Variants in CSMD1 observed in about 807,000 individuals in gnomAD.
CSMD1 encodes the protein CUB and Sushi multiple domains 1, also known as CUB and sushi domain-containing protein 1.
CSMD1 carries 213 observed loss-of-function variants against 417.5 expected under a neutral mutation model. That is an observed-to-expected ratio of 0.51 (90% confidence interval 0.46 to 0.57). CSMD1 has a LOEUF of 0.57. Ranked by LOEUF, CSMD1 falls within the 20% of genes least tolerant of loss-of-function variation. The probability of loss-of-function intolerance (pLI) is 0.00; values close to 1 mark genes in which losing one functional copy is unlikely to be tolerated. For synonymous variants in CSMD1, 2,862 were observed against 1,736.8 expected (o/e 1.65, Z -16.11); for missense variants, 6,923 against 4,529.7 (o/e 1.53, Z -15.17).
In CSMD1 at chr8:4,504,835, G is replaced by A. The variant is rs190904587; in HGVS notation, c.303-84770C>T. On this transcript the variant is annotated intron_variant, in intron 2 of 69. Coordinates refer to ENST00000635120, the MANE Select transcript of CSMD1 (RefSeq NM_033225.6). ...ACTCATTATTTTTTATGGCTGCATA[G>A]TATTCCATGATATATATGTGCCATA... Among the ~76,000 whole-genome samples, 971 of 152,256 alleles carry A rather than the reference G, an allele frequency of 6.4e-3. 5 individuals carry two copies. The highest frequency in any genetic ancestry group is 9.2e-3 in the Non-Finnish European group (629 of 68,024).
intron 5 of CSMD1, among the ~76,000 whole-genome samples, chr8:3,814,341 C>G (rs537020582): frequency 6.6e-6 from 1 of 152,246 alleles, no homozygotes; most frequent in Non-Finnish European, 1.5e-5. Flanking sequence ...GTTATCTGAC[C>G]AAGGACATCT....
intron 10 of CSMD1, among the ~76,000 whole-genome samples, chr8:3,533,923 C>T (rs776435939): frequency 2.6e-5 from 4 of 152,132 alleles, no homozygotes; most frequent in Non-Finnish European, 4.4e-5. Context: ...TCCCTTTGGT[C>T]CACCAATCAC....
chr8:4,376,204 C>T (rs1584979743), intron 3 of CSMD1, among the ~76,000 whole-genome samples: 1 of 152,178 alleles, frequency 6.6e-6, no homozygotes, highest in African/African-American at 2.4e-5. Context: ...TCTGCTGGCT[C>T]TGTTTGTCAA....
intron 1 of CSMD1, among the ~76,000 whole-genome samples, chr8:4,890,341 A>T (rs989334491): frequency 6.6e-6 from 1 of 152,116 alleles, no homozygotes; most frequent in African/African-American, 2.4e-5. Flanking sequence ...TATGGATTAG[A>T]GTAGGAAGGC....
chr8:3,449,082 T>G (rs997935812), intron 12 of CSMD1, among the ~76,000 whole-genome samples: 10 of 151,844 alleles, frequency 6.6e-5, no homozygotes, highest in Non-Finnish European at 8.8e-5. Context: ...GTTGCCTGTC[T>G]TCCAATCCAT....
At chr8:2,984,841 G>T (rs531548998) in intron 54 of CSMD1, among the ~76,000 whole-genome samples, 1 of 152,230 alleles carries the variant, frequency 6.6e-6, no homozygotes, top group African/African-American at 2.4e-5. Flanking sequence ...TTCAGATTCT[G>T]TTGGTGTTTT....
At chr8:3,507,958 G>T (rs907760129) in intron 10 of CSMD1, among the ~76,000 whole-genome samples, 2 of 152,054 alleles carry the variant, frequency 1.3e-5, no homozygotes, top group African/African-American at 4.8e-5. Flanking sequence ...TCTGTAGGTT[G>T]CCTGTTCACT....
chr8:2,993,096 G>T (rs1806543838), intron 54 of CSMD1, among the ~76,000 whole-genome samples: 1 of 152,156 alleles, frequency 6.6e-6, no homozygotes, highest in Non-Finnish European at 1.5e-5. Flanking sequence ...ATGTGTTGGA[G>T]CTTCATCCAG....
At chr8:4,296,304 C>A (rs1797676357) in intron 3 of CSMD1, among the ~76,000 whole-genome samples, 1 of 152,124 alleles carries the variant, frequency 6.6e-6, no homozygotes, top group African/African-American at 2.4e-5. Flanking sequence ...ATTATTTCGT[C>A]CCTGTGGTTA....
chr8:3,838,964 A>G lies in CSMD1; in HGVS notation c.819-84922T>C, dbSNP rs1353310922. ...ATAAAAAATTAATATCTATAAATTA[A>G]TATTATATATAATATATTATATATC... On this transcript the variant is annotated intron_variant, in intron 5 of 69. Coordinates refer to ENST00000635120, the MANE Select transcript of CSMD1 (RefSeq NM_033225.6). 3.0e-5 allele frequency among the ~76,000 whole-genome samples: 3 copies of G among 99,758 alleles called. 1 individual carries two copies. The highest frequency in any genetic ancestry group is 1.4e-4 in the African/African-American group (3 of 21,744). 65.4% of individuals were successfully genotyped at this position (99,758 alleles called of 152,430 possible). A position where few individuals can be genotyped will look rare whatever the true frequency, so the allele number is the denominator to read the frequency against.
chr8:3,529,175 G>C lies in CSMD1; in HGVS notation c.1345-35449C>G, dbSNP rs546587560. ...AGACAATACATACGCTACTGATTTA[G>C]GTCCTACTGTTTGAATCAGACTACC... On this transcript the variant is annotated intron_variant, in intron 10 of 69. Transcript: ENST00000635120. Among the ~76,000 whole-genome samples the C allele has an allele frequency of 2.9e-4, 44 of 152,230 alleles. No individual in the cohort carries two copies. In the East Asian group the frequency reaches 8.1e-3, roughly 28 times the overall value.
chr8:3,088,120 C>G (rs557919919), intron 48 of CSMD1, among the ~76,000 whole-genome samples: 70 of 152,310 alleles, frequency 4.6e-4, no homozygotes, highest in Non-Finnish European at 8.2e-4. Flanking sequence ...AATCATCCCT[C>G]TTTGTAAGGA....
intron 5 of CSMD1, among the ~76,000 whole-genome samples, chr8:3,768,063 C>A (rs547773704): frequency 2.6e-5 from 4 of 152,260 alleles, no homozygotes; most frequent in Non-Finnish European, 4.4e-5. Context: ...CGAGTATAGA[C>A]AGCTACGGTC....
At chr8:3,952,320 T>G (rs73509619) in intron 5 of CSMD1, among the ~76,000 whole-genome samples, 1 of 152,178 alleles carries the variant, frequency 6.6e-6, no homozygotes, top group Non-Finnish European at 1.5e-5. Flanking sequence ...ATAAATTGCA[T>G]GCAGAAGCCA....
chr8:4,831,045 T>G (rs1346517158), intron 1 of CSMD1, among the ~76,000 whole-genome samples: 3 of 152,198 alleles, frequency 2.0e-5, no homozygotes, highest in Non-Finnish European at 4.4e-5. Flanking sequence ...TGATCTACCC[T>G]TTACTTCAAC....
intron 3 of CSMD1, among the ~76,000 whole-genome samples, chr8:4,032,501 C>T (rs1199776877): frequency 6.6e-6 from 1 of 152,148 alleles, no homozygotes; most frequent in Non-Finnish European, 1.5e-5. Context: ...AGAAATACTG[C>T]AAGAGTGAAT....
chr8:3,776,615 T>C (rs75970073), intron 5 of CSMD1, among the ~76,000 whole-genome samples: 7,915 of 152,176 alleles, frequency 0.052, 255 homozygotes, highest in Middle Eastern at 0.092. Context: ...ATTGACATTG[T>C]AGACTCCATA....
At chr8:4,090,203 T>C (rs779726007) in intron 3 of CSMD1, among the ~76,000 whole-genome samples, 1 of 152,214 alleles carries the variant, frequency 6.6e-6, no homozygotes, top group Non-Finnish European at 1.5e-5. Flanking sequence ...CAGTACATGA[T>C]TGTCTTAAAA....
chr8:3,275,884 G>A (rs966897318), intron 26 of CSMD1, among the ~76,000 whole-genome samples: 8 of 152,016 alleles, frequency 5.3e-5, no homozygotes, highest in African/African-American at 1.9e-4. Flanking sequence ...ATGTCCTCCT[G>A]TAGCTCAGAG....
Sources: gnomAD v4.1 joint callset for allele counts (sites outside exome capture counted in the v4.1 genomes callset) on GRCh38, gnomAD v4.1.1 for gene constraint, MANE v1.5 for transcripts, NCBI Gene and HGNC (gene_info 2026-07-23, HGNC 2026-07-21) for gene names.